Variants in USH2A observed in about 807,000 individuals in gnomAD.
USH2A encodes the protein usherin.
USH2A carries 443 observed loss-of-function variants against 538.9 expected under a neutral mutation model. The observed-to-expected ratio is 0.82, with a 90% CI of 0.76 to 0.89. USH2A has a LOEUF of 0.89. Among genes scored for constraint, USH2A ranks in the 40% least tolerant of loss-of-function variants. The pLI is 0.00. For synonymous variants in USH2A, 2,413 were observed against 2,273.5 expected, an observed-to-expected ratio of 1.06 and a Z score of -1.75; for missense variants, 6,633 against 6,324.8, an observed-to-expected ratio of 1.05 and a Z score of -1.65.
At chr1:215,738,206 A>G (rs1349919774) in intron 60 of USH2A, among the ~76,000 whole-genome samples, 1 of 152,062 alleles carries the variant, frequency 6.6e-6, no homozygotes, top group Non-Finnish European at 1.5e-5. Flanking sequence ...TATAAAATAA[A>G]GGGGGAATAC....
intron 32 of USH2A, among the ~76,000 whole-genome samples, chr1:216,016,620 C>T (rs937070714): frequency 2.6e-5 from 4 of 152,168 alleles, no homozygotes; most frequent in South Asian, 2.1e-4. Flanking sequence ...CTCTTGTAAG[C>T]ATCCTTATAC....
chr1:216,085,465 A>T (rs2102561841), intron 24 of USH2A, among the ~76,000 whole-genome samples: 1 of 152,238 alleles, frequency 6.6e-6, no homozygotes, highest in African/African-American at 2.4e-5. Context: ...CAAGAAAAAA[A>T]AATCAAGAGG....
chr1:215,648,408 T>C, intron 66 of USH2A, 120 bp downstream of exon 66: 1 of 1,044,912 alleles, frequency 9.6e-7, no homozygotes, highest in Non-Finnish European at 1.5e-6. Context: ...AAGTCCTCCC[T>C]GGGGAGTGCC....
In USH2A at chr1:216,089,040, G is replaced by A. The variant is rs746900872; in HGVS notation, c.4858C>T (p.Gln1620Ter). 1 of 1,613,350 alleles carries A rather than the reference G, an allele frequency of 6.2e-7. No individual in the cohort carries two copies. The highest frequency in any genetic ancestry group is 1.1e-5 in the South Asian group (1 of 91,068). ...GTATATATCCCATCCAGAGTGATTT[G>A]GCCAAAAGCCTGATGCCTAATAGCA... ...IIAIRHQAFG[Q>*]ITLDGIYTGS... The change falls in exon 23 of 72, where the codon CAA becomes TAA. Residue 1620 changes from glutamine to a stop codon, truncating the protein, a stop_gained. Coordinates refer to ENST00000307340, the MANE Select transcript of USH2A (RefSeq NM_206933.4). LOFTEE classifies it high-confidence loss of function.
At chr1:215,876,547 T>A (rs1184241780) in intron 43 of USH2A, among the ~76,000 whole-genome samples, 6 of 152,202 alleles carry the variant, frequency 3.9e-5, no homozygotes, top group Admixed American at 3.9e-4. Flanking sequence ...TGCTAGGAAC[T>A]GAAGACAGAG....
intron 38 of USH2A, among the ~76,000 whole-genome samples, chr1:215,933,650 G>T (rs929932995): frequency 6.6e-5 from 10 of 151,834 alleles, no homozygotes; most frequent in African/African-American, 2.4e-4. Context: ...CAGTGATAAA[G>T]CACTTTGTGT....
In USH2A at chr1:215,900,749, G is replaced by T. The variant is rs1208050749; in HGVS notation, c.7451+6C>A. 1.9e-6 allele frequency: 3 copies of T among 1,613,338 alleles called. No homozygotes were observed. Among genetic ancestry groups the T allele is most frequent in the East Asian group, 4.5e-5 (2 of 44,860 alleles). Reference sequence around the variant, plus strand: ...GCTGATAGAATGGACAAAGTAGAATGCTCACTCTAGAAATCCATGGGTGGA... The same window carrying T: ...GCTGATAGAATGGACAAAGTAGAATTCTCACTCTAGAAATCCATGGGTGGA... On this transcript the variant is annotated splice_donor_region_variant and intron_variant, in intron 39 of 71. Coordinates refer to ENST00000307340, the MANE Select transcript of USH2A (RefSeq NM_206933.4).
intron 60 of USH2A, among the ~76,000 whole-genome samples, chr1:215,734,246 A>C (rs180875045): frequency 6.6e-6 from 1 of 152,206 alleles, no homozygotes; most frequent in East Asian, 1.9e-4. Flanking sequence ...GATGTATCTG[A>C]GGCCCTTCGA....
At chr1:216,051,382 C>T (rs1450521050) in intron 30 of USH2A, among the ~76,000 whole-genome samples, 1 of 152,180 alleles carries the variant, frequency 6.6e-6, no homozygotes, top group Non-Finnish European at 1.5e-5. Flanking sequence ...ACCCAAATTC[C>T]AGGCTCAAAA....
In USH2A at chr1:216,048,707, T is replaced by C. The variant is rs1427109567; in HGVS notation, c.6050-60A>G. The C allele has an allele frequency of 1.0e-5, 14 of 1,351,246 alleles. No individual in the cohort carries two copies. The East Asian group carries it at 2.3e-4, about 22-fold the overall frequency. The allele number at this position is 1,351,246 out of a possible 1,614,324, so 83.7% of individuals were successfully genotyped here. ...TTACCATAAGCATCAATAAAGAGCA[T>C]TGTGTGTATATCTGTGTGTGTGTCT... On this transcript the variant is annotated intron_variant, in intron 30 of 71. Transcript: ENST00000307340.
chr1:216,070,416 G>T, intron 29 of USH2A, 124 bp from the exon 30 acceptor site: 1 of 911,054 alleles, frequency 1.1e-6, no homozygotes, highest in Non-Finnish European at 1.7e-6. Flanking sequence ...CAATTTATTA[G>T]AGTTGTAACT....
intron 35 of USH2A, among the ~76,000 whole-genome samples, chr1:215,972,072 ACATCCACGCTT>A (rs1263745177): frequency 6.6e-6 from 1 of 152,210 alleles, no homozygotes; most frequent in Non-Finnish European, 1.5e-5. Flanking sequence ...CCCCAGCTAC[ACATCCACGCTT>A]CTATAGCCTG....
chr1:216,000,015 T>A (rs1439283371), intron 33 of USH2A, among the ~76,000 whole-genome samples: 1 of 152,128 alleles, frequency 6.6e-6, no homozygotes, highest in African/African-American at 2.4e-5. Context: ...TATGTGAAAC[T>A]TCCTTTCTGA....
chr1:216,111,121 G>T (rs1051887276), intron 21 of USH2A, among the ~76,000 whole-genome samples: 2 of 152,128 alleles, frequency 1.3e-5, no homozygotes, highest in African/African-American at 4.8e-5. Context: ...CTACTCAGGA[G>T]GTTGCGGCAA....
At chr1:216,067,976 A>T (rs1453684195) in intron 30 of USH2A, among the ~76,000 whole-genome samples, 2 of 152,208 alleles carry the variant, frequency 1.3e-5, no homozygotes, top group Non-Finnish European at 2.9e-5. Flanking sequence ...ACTCTTCAAT[A>T]TTTTGTCACA....
At chr1:216,216,615 T>C (rs2035346805) in intron 15 of USH2A, among the ~76,000 whole-genome samples, 1 of 151,986 alleles carries the variant, frequency 6.6e-6, no homozygotes, top group Non-Finnish European at 1.5e-5. Context: ...AGGCATTTCT[T>C]AGGGATTCTG....
At position 215,623,568 on chromosome 1, in the gene USH2A, A is replaced by AAAT. The variant is rs1405468420; in HGVS notation, c.*2210_*2212dup. ...AGCAACATCTTAGAGTTCTTCTCTGAAATAAATACAAGTAAACTTAGACAT... is the reference window on the plus strand; with the variant it reads ...AGCAACATCTTAGAGTTCTTCTCTGAAATAATAAATACAAGTAAACTTAGACAT... On this transcript the variant is annotated 3_prime_UTR_variant, in exon 72 of 72. Transcript: ENST00000307340. The AAAT allele has an allele frequency of 6.6e-6, 1 of 152,128 alleles. No homozygotes were observed. The highest frequency in any genetic ancestry group is 2.4e-5 in the African/African-American group (1 of 41,434). 9.4% of individuals were successfully genotyped at this position (152,128 alleles called of 1,614,324 possible). A position where few individuals can be genotyped will look rare whatever the true frequency, so the allele number is the denominator to read the frequency against.
chr1:215,863,569 G>A (rs1449162470), intron 44 of USH2A, among the ~76,000 whole-genome samples: 1 of 152,098 alleles, frequency 6.6e-6, no homozygotes, highest in East Asian at 1.9e-4. Flanking sequence ...CATACTTTAT[G>A]CATTTTCCAG....
rs143032902 is a variant in USH2A, at chr1:215,674,289, T to C, written c.13622A>G (p.Gln4541Arg). The change falls in exon 63 of 72, where the codon CAG (glutamine) becomes CGG (arginine). Residue 4541 changes from glutamine (Q) to arginine (R), a missense_variant. By Grantham distance (43) the Gln-to-Arg change is conservative (BLOSUM62 1). Transcript: ENST00000307340. ...APSGMEPPKL[Q>R]ARGPQEILVN... is the part of the protein sequence containing the mutation. ...TAAGATCTCCTGAGGACCCCTGGCCTGCAATTTTGGAGGTTCCATCCCTGA... is the reference window on the plus strand; with the variant it reads ...TAAGATCTCCTGAGGACCCCTGGCCCGCAATTTTGGAGGTTCCATCCCTGA... 6.2e-7 allele frequency: 1 copy of C among 1,613,914 alleles called. No individual in the cohort carries two copies. The highest frequency in any genetic ancestry group is 1.3e-5 in the African/African-American group (1 of 74,894).
Sources: gnomAD v4.1 joint callset for allele counts (sites outside exome capture counted in the v4.1 genomes callset) on GRCh38, gnomAD v4.1.1 for gene constraint, MANE v1.5 for transcripts, NCBI Gene and HGNC (gene_info 2026-07-23, HGNC 2026-07-21) for gene names.